Variants in ZNF704 observed in about 807,000 individuals in gnomAD.
The protein encoded by ZNF704 is zinc finger protein 704.
A neutral mutation model predicts 44.7 loss-of-function variants in ZNF704; 10 were observed. The observed-to-expected ratio is 0.22, with a 90% CI of 0.14 to 0.38. The LOEUF is 0.38. Ranked by LOEUF, ZNF704 falls within the 10% of genes least tolerant of loss-of-function variation. ZNF704 has a pLI of 1.00. For missense variants in ZNF704, 390 were observed against 545.5 expected (o/e 0.71, Z 2.84); for synonymous variants, 211 against 207.6 (o/e 1.02, Z -0.14).
chr8:80,752,663 T>G (rs1366772877), intron 2 of ZNF704, among the ~76,000 whole-genome samples: 1 of 152,114 alleles, frequency 6.6e-6, no homozygotes, highest in East Asian at 1.9e-4. Flanking sequence ...AGCATCAGCC[T>G]CCCTAGTGGC....
At chr8:80,777,645 G>A (rs557107188) in intron 2 of ZNF704, among the ~76,000 whole-genome samples, 12 of 152,156 alleles carry the variant, frequency 7.9e-5, no homozygotes, top group African/African-American at 2.9e-4. Context: ...TTGGGAGGCC[G>A]AGGTAGGCAG....
At chr8:80,793,964 T>C (rs1023804483) in intron 2 of ZNF704, among the ~76,000 whole-genome samples, 3 of 152,274 alleles carry the variant, frequency 2.0e-5, no homozygotes, top group South Asian at 4.1e-4. Context: ...CCAGTACAAA[T>C]AGGGGGATGA....
rs1235603142 is a variant in ZNF704, at chr8:80,628,726, AGAC to A, written c.*12637_*12639del. The A allele has an allele frequency of 1.3e-5, 2 of 152,234 alleles. No homozygotes were observed. Among genetic ancestry groups the A allele is most frequent in the Admixed American group, 1.3e-4 (2 of 15,274 alleles). 9.4% of individuals were successfully genotyped at this position (152,234 alleles called of 1,614,324 possible). ...AGAACAGAAAAGTCCAAGGACCAGA[AGAC>A]GATTACTAAAGTGATTCTGACTATA... On this transcript the variant is annotated 3_prime_UTR_variant, in exon 9 of 9. Coordinates refer to ENST00000327835, the MANE Select transcript of ZNF704 (RefSeq NM_001033723.3).
At chr8:80,824,262 G>A (rs554431649) in intron 1 of ZNF704, among the ~76,000 whole-genome samples, 123 of 152,264 alleles carry the variant, frequency 8.1e-4, no homozygotes, top group African/African-American at 2.9e-3. Flanking sequence ...ACCATGGCAC[G>A]AGAACTACGT....
At chr8:80,668,264 C>T (rs1322078499) in intron 5 of ZNF704, among the ~76,000 whole-genome samples, 1 of 152,216 alleles carries the variant, frequency 6.6e-6, no homozygotes, top group African/African-American at 2.4e-5. Flanking sequence ...ATCCCTGACT[C>T]GGAACATACC....
chr8:80,823,820 G>A (rs1808322568), intron 1 of ZNF704, among the ~76,000 whole-genome samples: 1 of 152,200 alleles, frequency 6.6e-6, no homozygotes, highest in Non-Finnish European at 1.5e-5. Context: ...GGTCTGAAGT[G>A]GACCTCCAGC....
chr8:80,834,151 G>A (rs1274378844), intron 1 of ZNF704, among the ~76,000 whole-genome samples: 1 of 152,022 alleles, frequency 6.6e-6, no homozygotes, highest in Non-Finnish European at 1.5e-5. Flanking sequence ...CCGTGATTGT[G>A]CCACTGCACT....
At chr8:80,706,396 C>G (rs1246828840) in intron 2 of ZNF704, among the ~76,000 whole-genome samples, 3 of 152,094 alleles carry the variant, frequency 2.0e-5, no homozygotes, top group Non-Finnish European at 2.9e-5. Flanking sequence ...GACCAGACTT[C>G]TTATTTCTGC....
intron 1 of ZNF704, among the ~76,000 whole-genome samples, chr8:80,826,478 C>T (rs998517701): frequency 9.2e-5 from 14 of 152,018 alleles, no homozygotes; most frequent in Non-Finnish European, 1.8e-4. Context: ...GATTCACAGG[C>T]GAATTCTACC....
chr8:80,876,468 A>G (rs1809357262), upstream of ZNF704, among the ~76,000 whole-genome samples: 1 of 152,196 alleles, frequency 6.6e-6, no homozygotes, highest in Non-Finnish European at 1.5e-5. Flanking sequence ...TTCTCTGGCC[A>G]TGAAAAGGAA....
At position 80,861,991 on chromosome 8, in the gene ZNF704, C is replaced by CTTT. The variant is rs71266093; in HGVS notation, c.-22+12577_-22+12579dup. Among the ~76,000 whole-genome samples the CTTT allele has an allele frequency of 2.2e-3, 204 of 93,004 alleles. 20 individuals carry two copies. Among genetic ancestry groups the CTTT allele is most frequent in the African/African-American group, 8.0e-3 (149 of 18,562 alleles). The allele number at this position is 93,004 out of a possible 152,430, so 61.0% of individuals were successfully genotyped here. On this transcript the variant is annotated intron_variant, in intron 1 of 8. Transcript: ENST00000327835. ...GTTGAACAAGATAGAAAAAAATAAC[C>CTTT]TTTTTTTTTTTTTTTTTTTTTTTTT...
chr8:80,735,894 A>T (rs776212359), intron 2 of ZNF704, among the ~76,000 whole-genome samples: 3 of 152,210 alleles, frequency 2.0e-5, no homozygotes, highest in Admixed American at 2.0e-4. Context: ...ATATGCAGCA[A>T]ATGTTGCTTT....
chr8:80,791,495 G>T (rs534835620), intron 2 of ZNF704, among the ~76,000 whole-genome samples: 1 of 152,322 alleles, frequency 6.6e-6, no homozygotes, highest in East Asian at 1.9e-4. Context: ...TCACACAGGG[G>T]CATGTTTAGT....
chr8:80,723,648 A>G (rs894549743), intron 2 of ZNF704, among the ~76,000 whole-genome samples: 3 of 152,226 alleles, frequency 2.0e-5, no homozygotes, highest in African/African-American at 4.8e-5. Context: ...AAGTAATACT[A>G]TATTTTTTTA....
chr8:80,878,174 T>A (rs143652329), upstream of ZNF704, among the ~76,000 whole-genome samples: 2 of 151,966 alleles, frequency 1.3e-5, no homozygotes, highest in African/African-American at 2.4e-5. Flanking sequence ...AGATCTCCAG[T>A]GATTCTTAAA....
At chr8:80,827,870 T>C (rs1348282140) in intron 1 of ZNF704, among the ~76,000 whole-genome samples, 1 of 152,220 alleles carries the variant, frequency 6.6e-6, no homozygotes, top group South Asian at 2.1e-4. Context: ...GCTAGCCATA[T>C]GTAGAAAGCT....
intron 5 of ZNF704, among the ~76,000 whole-genome samples, chr8:80,665,391 C>T (rs370943451): frequency 1.3e-4 from 20 of 152,114 alleles, no homozygotes; most frequent in East Asian, 5.8e-4. Flanking sequence ...ATATAGACTC[C>T]GCCCTGATGG....
chr8:80,789,041 T>C (rs1807660294), intron 2 of ZNF704, among the ~76,000 whole-genome samples: 1 of 152,148 alleles, frequency 6.6e-6, no homozygotes, highest in Non-Finnish European at 1.5e-5. Context: ...CATTGCAAAG[T>C]GTTAAAGAGT....
chr8:80,777,456 C>A (rs1311848837), intron 2 of ZNF704, among the ~76,000 whole-genome samples: 1 of 152,190 alleles, frequency 6.6e-6, no homozygotes, highest in African/African-American at 2.4e-5. Flanking sequence ...AATCATACTA[C>A]AATGAACATC....
Sources: allele counts gnomAD v4.1 joint callset (sites outside exome capture counted in the v4.1 genomes callset), GRCh38; gene constraint gnomAD v4.1.1; transcripts MANE v1.5; gene names NCBI Gene and HGNC (gene_info 2026-07-23, HGNC 2026-07-21).